The following LHFPL3 variants were observed in gnomAD, a reference collection of about 807,000 sequenced individuals.
LHFPL3 encodes LHFPL tetraspan subfamily member 3 protein.
In LHFPL3, 5 loss-of-function variants were observed where a neutral mutation model predicts 19.3. That is an observed-to-expected ratio of 0.26 (90% confidence interval 0.14 to 0.54). The LOEUF (loss-of-function observed/expected upper bound fraction) is 0.54. Among genes scored for constraint, LHFPL3 ranks in the 20% least tolerant of loss-of-function variants. The pLI is 0.94. For missense variants in LHFPL3, 249 were observed against 307.4 expected (o/e 0.81, Z 1.42); for synonymous variants, 133 against 126.2 (o/e 1.05, Z -0.36).
intron 1 of LHFPL3, among the ~76,000 whole-genome samples, chr7:104,723,823 T>G (rs1793535629): frequency 6.6e-6 from 1 of 151,638 alleles, no homozygotes; most frequent in African/African-American, 2.4e-5. Context: ...GCAAGGAGGT[T>G]AGTAATTTCC....
At chr7:104,673,310 A>G (rs1792523117) in intron 1 of LHFPL3, among the ~76,000 whole-genome samples, 1 of 152,218 alleles carries the variant, frequency 6.6e-6, no homozygotes, top group African/African-American at 2.4e-5. Flanking sequence ...TTGCCTTACA[A>G]AGTTCCAAAA....
chr7:104,395,202 G>A (rs531006102), intron 1 of LHFPL3, among the ~76,000 whole-genome samples: 162 of 152,224 alleles, frequency 1.1e-3, no homozygotes, highest in African/African-American at 3.8e-3. Context: ...TAATTAACAA[G>A]GCTCTTTTTA....
intron 1 of LHFPL3, among the ~76,000 whole-genome samples, chr7:104,673,898 A>G (rs17490551): frequency 0.04 from 6,072 of 152,234 alleles, 144 homozygotes; most frequent in African/African-American, 0.055. Flanking sequence ...TGTGATTCTT[A>G]ATGCTCATCT....
At chr7:104,629,765 T>C (rs927627080) in intron 1 of LHFPL3, among the ~76,000 whole-genome samples, 1 of 152,184 alleles carries the variant, frequency 6.6e-6, no homozygotes, top group Admixed American at 6.6e-5. Flanking sequence ...CCCTTAAACA[T>C]GGCCCTGGGC....
Position 104,329,089 on chromosome 7 carries a change from G to T in LHFPL3, c.310G>T (p.Ala104Ser), listed in dbSNP as rs190167677. The T allele has an allele frequency of 7.8e-4, 1,267 of 1,614,064 alleles. 4 individuals are homozygous for T. Among genetic ancestry groups the T allele is most frequent in the Admixed American group, 1.7e-3 (101 of 60,034 alleles). ...GGACTTCTCCACGCTGCCCTCGGGCGCCTTCAAAGCCGCCTCCTTCTTTAT... is the reference window on the plus strand; with the variant it reads ...GGACTTCTCCACGCTGCCCTCGGGCTCCTTCAAAGCCGCCTCCTTCTTTAT... Reference protein sequence around the residue: ...FTDFSTLPSGAFKAASFFIGL... With the variant: ...FTDFSTLPSGSFKAASFFIGL... Residue 104 changes from alanine (A) to serine (S), a missense_variant, in exon 1 of 3, where the codon GCC becomes TCC. By Grantham distance (99) the Ala-to-Ser change is moderately conservative. Coordinates refer to ENST00000424859, the MANE Select transcript of LHFPL3 (RefSeq NM_199000.3).
At chr7:104,512,258 A>G (rs1250162464) in intron 1 of LHFPL3, among the ~76,000 whole-genome samples, 1 of 151,706 alleles carries the variant, frequency 6.6e-6, no homozygotes, top group Non-Finnish European at 1.5e-5. Context: ...TCTGGCCCCA[A>G]CAGTGATTTC....
intron 1 of LHFPL3, among the ~76,000 whole-genome samples, chr7:104,588,530 T>C (rs1191661433): frequency 6.6e-6 from 1 of 152,180 alleles, no homozygotes; most frequent in African/African-American, 2.4e-5. Context: ...CCTTGTAGTG[T>C]AGTTTGAAGT....
chr7:104,706,796 T>C (rs140688041), intron 1 of LHFPL3, among the ~76,000 whole-genome samples: 3 of 152,296 alleles, frequency 2.0e-5, no homozygotes, highest in African/African-American at 7.2e-5. Flanking sequence ...GTGATATTTG[T>C]CTCCATGATG....
At chr7:104,712,506 A>G (rs1793316424) in intron 1 of LHFPL3, among the ~76,000 whole-genome samples, 1 of 152,194 alleles carries the variant, frequency 6.6e-6, no homozygotes, top group African/African-American at 2.4e-5. Context: ...AAATACCATC[A>G]CATTGCAAAT....
intron 1 of LHFPL3, among the ~76,000 whole-genome samples, chr7:104,385,255 C>T (rs147789389): frequency 4.8e-4 from 73 of 152,314 alleles, no homozygotes; most frequent in African/African-American, 1.5e-3. Flanking sequence ...CTCTGCCCAT[C>T]CTGTAAACTT....
chr7:104,908,284 C>G lies in LHFPL3; in HGVS notation c.*2069C>G, dbSNP rs1792657660. Among the ~76,000 whole-genome samples, 1 of 151,784 alleles carries G rather than the reference C, an allele frequency of 6.6e-6. No homozygotes were observed. Among genetic ancestry groups the G allele is most frequent in the African/African-American group, 2.4e-5 (1 of 41,320 alleles). ...AAAACCTAAGTGTAATTTAGCATAC[C>G]ACAGTGCTCTGAAGATGGGTCATTG... On this transcript the variant is annotated 3_prime_UTR_variant, in exon 3 of 3. Coordinates refer to ENST00000424859, the MANE Select transcript of LHFPL3 (RefSeq NM_199000.3).
intron 1 of LHFPL3, among the ~76,000 whole-genome samples, chr7:104,620,740 C>A (rs574716150): frequency 6.6e-6 from 1 of 152,256 alleles, no homozygotes; most frequent in Non-Finnish European, 1.5e-5. Flanking sequence ...CTTGAAATGG[C>A]AATCATTCCT....
At chr7:104,639,058 C>T (rs1211793493) in intron 1 of LHFPL3, among the ~76,000 whole-genome samples, 1 of 152,024 alleles carries the variant, frequency 6.6e-6, no homozygotes, top group Non-Finnish European at 1.5e-5. Flanking sequence ...CCATGCCTAG[C>T]CAGATTAGCT....
chr7:104,437,875 G>T (rs10262774), intron 1 of LHFPL3, among the ~76,000 whole-genome samples: 30,898 of 151,984 alleles, frequency 0.2, 3,579 homozygotes, highest in Admixed American at 0.33. Flanking sequence ...ACGTAAACAT[G>T]ATCAATTATT....
intron 1 of LHFPL3, among the ~76,000 whole-genome samples, chr7:104,406,619 C>T (rs932718116): frequency 1.3e-5 from 2 of 152,318 alleles, no homozygotes; most frequent in East Asian, 3.9e-4. Flanking sequence ...TCCACTGATC[C>T]AAATCCTTTC....
intron 1 of LHFPL3, among the ~76,000 whole-genome samples, chr7:104,507,604 A>C (rs1223944077): frequency 2.0e-5 from 2 of 100,096 alleles, no homozygotes; most frequent in African/African-American, 3.6e-5. Flanking sequence ...CAAAATTGAC[A>C]AATGGGATCT....
intron 2 of LHFPL3, among the ~76,000 whole-genome samples, chr7:104,898,006 C>T (rs1049934614): frequency 5.2e-5 from 5 of 96,810 alleles, no homozygotes; most frequent in Admixed American, 1.3e-4. Context: ...AATGTCACCC[C>T]TTTTTTTTTT....
At chr7:104,391,011 G>A (rs185139130) in intron 1 of LHFPL3, among the ~76,000 whole-genome samples, 152 of 152,186 alleles carry the variant, frequency 1.0e-3, no homozygotes, top group African/African-American at 3.4e-3. Context: ...CATATCCTTC[G>A]CCTACTTTTT....
chr7:104,546,944 T>C lies in LHFPL3; in HGVS notation c.446-189731T>C, dbSNP rs1239018987. ...CAAATGTTAACAAGCTCTTAAGAAA[T>C]AGTAGCTCAAGGCCGGGCGCGGTGG... On this transcript the variant is annotated intron_variant, in intron 1 of 2. Transcript: ENST00000424859. 1.4e-5 allele frequency among the ~76,000 whole-genome samples: 2 copies of C among 140,346 alleles called. 1 individual carries two copies. Among genetic ancestry groups the C allele is most frequent in the Non-Finnish European group, 3.1e-5 (2 of 63,912 alleles). The allele number at this position is 140,346 out of a possible 152,430, so 92.1% of individuals were successfully genotyped here. A position where few individuals can be genotyped will look rare whatever the true frequency, so the allele number is the denominator to read the frequency against.
Sources: allele counts gnomAD v4.1 joint callset (sites outside exome capture counted in the v4.1 genomes callset), GRCh38; gene constraint gnomAD v4.1.1; transcripts MANE v1.5; gene names NCBI Gene and HGNC (gene_info 2026-07-23, HGNC 2026-07-21).